Variants in METTL24 observed in about 807,000 individuals in gnomAD.
METTL24 encodes methyltransferase like 24.
METTL24 carries 29 observed loss-of-function variants against 32.7 expected under a neutral mutation model. The observed-to-expected ratio is 0.89, with a 90% CI of 0.66 to 1.21. The LOEUF is 1.21. Ranked by LOEUF, METTL24 falls within the 50% of genes most tolerant of loss-of-function variation. The probability of loss-of-function intolerance (pLI) is 0.00; values close to 1 mark genes in which losing one functional copy is unlikely to be tolerated. For missense variants in METTL24, 439 were observed against 468.1 expected (o/e 0.94, Z 0.57); for synonymous variants, 163 against 179.5 (o/e 0.91, Z 0.73).
chr6:110,255,021 A>T (rs1253085105), intron 4 of METTL24, among the ~76,000 whole-genome samples: 1 of 152,218 alleles, frequency 6.6e-6, no homozygotes, highest in East Asian at 1.9e-4. Context: ...AGTTTCAATT[A>T]TCACTGTCAA....
Position 110,245,851 on chromosome 6 carries a change from C to T in METTL24, c.*95G>A. ...CTCCCTGCCTCAAGCAGGGCACAGG[C>T]TAGCAGGAGACTGGATGAGTAAACT... On this transcript the variant is annotated 3_prime_UTR_variant, in exon 5 of 5. Coordinates refer to ENST00000338882, the MANE Select transcript of METTL24 (RefSeq NM_001123364.3). 7.8e-7 allele frequency: 1 copy of T among 1,280,782 alleles called. No homozygotes were observed. Among genetic ancestry groups the T allele is most frequent in the African/African-American group, 1.5e-5 (1 of 67,996 alleles). The allele number at this position is 1,280,782 out of a possible 1,614,324, so 79.3% of individuals were successfully genotyped here.
At chr6:110,300,483 T>C (rs1405953993) in intron 3 of METTL24, among the ~76,000 whole-genome samples, 1 of 149,338 alleles carries the variant, frequency 6.7e-6, no homozygotes, top group African/African-American at 2.5e-5. Flanking sequence ...CATAGTGGCG[T>C]GATCTCAGCT....
chr6:110,331,659 CAAAAAA>C (rs59304999), intron 1 of METTL24, among the ~76,000 whole-genome samples: 1 of 58,858 alleles, frequency 1.7e-5, no homozygotes. Context: ...GACCCTGCCT[CAAAAAA>C]AAAAAAAAAA....
intron 1 of METTL24, chr6:110,332,380 G>T: frequency 3.0e-6 from 1 of 332,614 alleles, no homozygotes; most frequent in Non-Finnish European, 4.3e-6. Context: ...ATGGCTAAGA[G>T]AATAAAACGT....
At chr6:110,260,730 C>G (rs1295520194) in intron 4 of METTL24, among the ~76,000 whole-genome samples, 1 of 152,114 alleles carries the variant, frequency 6.6e-6, no homozygotes, top group Non-Finnish European at 1.5e-5. Context: ...ATTGGATTAC[C>G]CACAAAAGGG....
chr6:110,340,807 G>A lies in METTL24; in HGVS notation c.318+17148C>T, dbSNP rs142135670. ...ATGAGGCTGAACACAGCATTCCCCC[G>A]TACACAGCCTTCCTGCTGTACGTTC... On this transcript the variant is annotated intron_variant, in intron 1 of 4. Transcript: ENST00000338882. Among the ~76,000 whole-genome samples the A allele has an allele frequency of 6.6e-5, 10 of 152,192 alleles. No individual in the cohort carries two copies. In the East Asian group the frequency reaches 9.6e-4, roughly 15 times the overall value.
At chr6:110,311,455 C>CTTTTG (rs1244708111) in intron 3 of METTL24, among the ~76,000 whole-genome samples, 1 of 139,898 alleles carries the variant, frequency 7.1e-6, no homozygotes, top group East Asian at 2.0e-4. Flanking sequence ...CTTTTCTTTT[C>CTTTTG]TTTTCTTTCT....
chr6:110,314,532 G>A (rs1369872402), intron 3 of METTL24, among the ~76,000 whole-genome samples: 2 of 152,054 alleles, frequency 1.3e-5, no homozygotes, highest in African/African-American at 4.8e-5. Context: ...TTGACAAAAT[G>A]ACATAGTTTT....
intron 4 of METTL24, among the ~76,000 whole-genome samples, chr6:110,250,463 A>G (rs529530359): frequency 6.6e-6 from 1 of 152,018 alleles, no homozygotes; most frequent in East Asian, 1.9e-4. Flanking sequence ...TACATCTAGA[A>G]CCACACTATT....
chr6:110,354,972 C>T (rs1772676691), intron 1 of METTL24, among the ~76,000 whole-genome samples: 1 of 152,138 alleles, frequency 6.6e-6, no homozygotes, highest in Non-Finnish European at 1.5e-5. Context: ...TAACCAAAGA[C>T]ATTTACAGTT....
chr6:110,307,227 T>C (rs1249688602), intron 3 of METTL24, among the ~76,000 whole-genome samples: 1 of 152,166 alleles, frequency 6.6e-6, no homozygotes, highest in East Asian at 1.9e-4. Context: ...CAGGGACAAA[T>C]GGATAAGTTA....
rs192160727 is a variant in METTL24 at position 110,260,032 on chromosome 6, A to C, written c.787-13772T>G. 7.6e-3 allele frequency among the ~76,000 whole-genome samples: 1,163 copies of C among 152,242 alleles called. 7 individuals are homozygous for C. Among genetic ancestry groups the C allele is most frequent in the African/African-American group, 0.027 (1,110 of 41,532 alleles). ...GATGGGGAAAAAACAGAGCAGAAAA[A>C]CTGAAAATTCTAAAAGTCAGAATGC... On this transcript the variant is annotated intron_variant, in intron 4 of 4. Transcript: ENST00000338882.
intron 4 of METTL24, among the ~76,000 whole-genome samples, chr6:110,267,160 G>GGTAA (rs1225862377): frequency 6.6e-6 from 1 of 152,154 alleles, no homozygotes; most frequent in Admixed American, 6.6e-5. Context: ...CTAAATTTAT[G>GGTAA]GTAAGTCCCC....
chr6:110,265,105 A>G (rs1447195573), intron 4 of METTL24, among the ~76,000 whole-genome samples: 2 of 150,812 alleles, frequency 1.3e-5, no homozygotes, highest in East Asian at 3.9e-4. Flanking sequence ...TATGTACCCT[A>G]AAACTTAAAG....
rs1471783274 is a variant in METTL24 at position 110,299,081 on chromosome 6, A to T, written c.627T>A (p.Asp209Glu). Reference protein sequence around the residue: ...ANNGCEVHRFDPSVKSAHILE... With the variant: ...ANNGCEVHRFEPSVKSAHILE... ...GAATGTGAGCTGACTTGACACTAGGATCAAAACGATGCACTTCACATCCGT... is the reference window on the plus strand; with the variant it reads ...GAATGTGAGCTGACTTGACACTAGGTTCAAAACGATGCACTTCACATCCGT... Residue 209 changes from aspartate (D) to glutamate (E), a missense_variant, in exon 4 of 5, where the codon GAT becomes GAA. Transcript: ENST00000338882. 6.2e-7 allele frequency: 1 copy of T among 1,614,168 alleles called. No homozygotes were observed. The highest frequency in any genetic ancestry group is 8.5e-7 in the Non-Finnish European group (1 of 1,180,026).
intron 2 of METTL24, among the ~76,000 whole-genome samples, chr6:110,319,356 G>C (rs1204629938): frequency 2.6e-5 from 4 of 151,936 alleles, no homozygotes; most frequent in African/African-American, 9.7e-5. Context: ...CAGAGCATGG[G>C]TTCTTATTCT....
intron 1 of METTL24, among the ~76,000 whole-genome samples, chr6:110,344,727 T>C (rs1772435222): frequency 6.6e-6 from 1 of 152,222 alleles, no homozygotes; most frequent in African/African-American, 2.4e-5. Flanking sequence ...TGGCTAGCCA[T>C]ATACAGAAGA....
chr6:110,265,581 A>C (rs2114704277), intron 4 of METTL24, among the ~76,000 whole-genome samples: 1 of 152,256 alleles, frequency 6.6e-6, no homozygotes, highest in African/African-American at 2.4e-5. Context: ...GTCATGTGGG[A>C]TTTCTAGAAA....
chr6:110,356,944 G>C (rs897986102), intron 1 of METTL24, among the ~76,000 whole-genome samples: 1 of 152,222 alleles, frequency 6.6e-6, no homozygotes, highest in African/African-American at 2.4e-5. Context: ...GTGCTGAAAA[G>C]TAGGCTAGCA....
Sources: gnomAD v4.1 joint callset for allele counts (sites outside exome capture counted in the v4.1 genomes callset) on GRCh38, gnomAD v4.1.1 for gene constraint, MANE v1.5 for transcripts, NCBI Gene and HGNC (gene_info 2026-07-23, HGNC 2026-07-21) for gene names.